The following ARHGAP8 variants were observed in gnomAD, a reference collection of about 807,000 sequenced individuals.
ARHGAP8 encodes rho GTPase-activating protein 8.
ARHGAP8 carries 62 observed loss-of-function variants against 46.1 expected under a neutral mutation model. That is an observed-to-expected ratio of 1.34 (90% CI 1.10 to 1.66). ARHGAP8 has a LOEUF of 1.66. Among genes scored for constraint, ARHGAP8 ranks in the 40% most tolerant of loss-of-function variants. The pLI is 0.00. For missense variants in ARHGAP8, 923 were observed against 568.4 expected (o/e 1.62, Z -6.34); for synonymous variants, 375 against 243.1 (o/e 1.54, Z -5.05).
At chr22:44,802,212 T>G in intron 3 of ARHGAP8, 48 bp downstream of exon 3, 2 of 1,606,622 alleles carry the variant, frequency 1.2e-6, no homozygotes, top group South Asian at 2.2e-5. Flanking sequence ...TCCATGTTGC[T>G]TGTCCCCATC....
At chr22:44,798,062 C>T (rs1306422606) in intron 2 of ARHGAP8, among the ~76,000 whole-genome samples, 1 of 151,474 alleles carries the variant, frequency 6.6e-6, no homozygotes, top group African/African-American at 2.4e-5. Flanking sequence ...CTGCAACCTC[C>T]ACCTCCCGAG....
In ARHGAP8 at chr22:44,822,356, C is replaced by T. The variant is rs1234450596; in HGVS notation, c.387-15C>T. The T allele has an allele frequency of 1.9e-6, 3 of 1,577,136 alleles. No homozygotes were observed. Among genetic ancestry groups the T allele is most frequent in the African/African-American group, 1.4e-5 (1 of 72,026 alleles). ...CGCCTAATCGTTCTTTATTCTCTTG[C>T]TTCTGCTTTCTTAGTCACAAGTTTG... On this transcript the variant is annotated splice_polypyrimidine_tract_variant and intron_variant, in intron 5 of 11. Transcript: ENST00000356099.
intron 1 of ARHGAP8, 81 bp from the exon 2 acceptor site, chr22:44,786,376 T>C (rs1021732353): frequency 2.7e-6 from 4 of 1,505,950 alleles, no homozygotes; most frequent in Non-Finnish European, 3.6e-6. Context: ...GGTGACTGTC[T>C]TATGAAAGGC....
chr22:44,850,621 CAG>C (rs2070069646), intron 10 of ARHGAP8: 2 of 152,112 alleles, frequency 1.3e-5, no homozygotes, highest in African/African-American at 4.8e-5. Flanking sequence ...AACCTGGTGA[CAG>C]GGAGATAGGC....
chr22:44,835,239 A>G (rs1931205529), intron 7 of ARHGAP8, among the ~76,000 whole-genome samples: 1 of 150,908 alleles, frequency 6.6e-6, no homozygotes, highest in Non-Finnish European at 1.5e-5. Context: ...TGCTATATAT[A>G]TATATATATA....
intron 1 of ARHGAP8, among the ~76,000 whole-genome samples, chr22:44,761,943 A>G (rs1925162597): frequency 6.6e-6 from 1 of 152,228 alleles, no homozygotes; most frequent in African/African-American, 2.4e-5. Context: ...CTTATTCACT[A>G]CCATGAGAAC....
chr22:44,849,196 A>G, intron 10 of ARHGAP8, 136 bp downstream of exon 10: 1 of 1,487,146 alleles, frequency 6.7e-7, no homozygotes, highest in African/African-American at 1.4e-5. Context: ...CTGGCACTGC[A>G]GGGCAAGAGA....
At chr22:44,793,081 C>T (rs1317636997) in intron 2 of ARHGAP8, among the ~76,000 whole-genome samples, 1 of 152,024 alleles carries the variant, frequency 6.6e-6, no homozygotes, top group East Asian at 1.9e-4. Flanking sequence ...CTTAGCCTCC[C>T]AAAGTCCTGA....
intron 7 of ARHGAP8, among the ~76,000 whole-genome samples, chr22:44,841,453 T>C (rs747324495): frequency 6.6e-6 from 1 of 152,140 alleles, no homozygotes; most frequent in Non-Finnish European, 1.5e-5. Flanking sequence ...GCCTGCTCCC[T>C]GCCTTCCAAG....
chr22:44,801,397 T>G (rs576470215), intron 2 of ARHGAP8, among the ~76,000 whole-genome samples: 2 of 132,628 alleles, frequency 1.5e-5, no homozygotes, highest in Admixed American at 1.5e-4. Context: ...GCTGTCCATG[T>G]GTGGGGGGCG....
At chr22:44,804,988 T>C (rs1222295947) in intron 3 of ARHGAP8, among the ~76,000 whole-genome samples, 1 of 152,050 alleles carries the variant, frequency 6.6e-6, no homozygotes, top group Non-Finnish European at 1.5e-5. Context: ...CCCCAGACAG[T>C]GAGGCTGGCT....
At chr22:44,861,756 G>T (rs1484428873) in intron 11 of ARHGAP8, among the ~76,000 whole-genome samples, 2 of 152,148 alleles carry the variant, frequency 1.3e-5, no homozygotes, top group African/African-American at 4.8e-5. Flanking sequence ...TTCCTCATCT[G>T]TAAGATGGGG....
At chr22:44,792,168 C>G (rs991809495) in intron 2 of ARHGAP8, among the ~76,000 whole-genome samples, 3 of 152,044 alleles carry the variant, frequency 2.0e-5, no homozygotes, top group South Asian at 2.1e-4. Context: ...CCCACCACCA[C>G]GCCTGGCTAA....
intron 1 of ARHGAP8, among the ~76,000 whole-genome samples, chr22:44,754,412 A>G (rs900794232): frequency 2.0e-5 from 3 of 150,732 alleles, no homozygotes; most frequent in African/African-American, 4.9e-5. Flanking sequence ...CTGGAGTGCA[A>G]TGGCACGATC....
intron 4 of ARHGAP8, among the ~76,000 whole-genome samples, chr22:44,810,806 G>A (rs189001489): frequency 2.0e-5 from 3 of 152,238 alleles, no homozygotes; most frequent in South Asian, 2.1e-4. Flanking sequence ...GTGGGGAGCC[G>A]TGGAGGGAGG....
chr22:44,779,166 C>G (rs2147031454), intron 1 of ARHGAP8, among the ~76,000 whole-genome samples: 1 of 147,086 alleles, frequency 6.8e-6, no homozygotes, highest in East Asian at 2.0e-4. Flanking sequence ...GTGGCGCGAT[C>G]TTGGCTCACT....
At chr22:44,860,044 ACCTGCCCCTG>A (rs2070393814) in intron 11 of ARHGAP8, among the ~76,000 whole-genome samples, 2 of 152,024 alleles carry the variant, frequency 1.3e-5, no homozygotes, top group Admixed American at 6.5e-5. Context: ...GACAGGGCGT[ACCTGCCCCTG>A]CCTGCTCCTG....
intron 4 of ARHGAP8, among the ~76,000 whole-genome samples, chr22:44,811,717 T>C (rs9626568): frequency 0.38 from 57,300 of 151,904 alleles, 11,187 homozygotes; most frequent in East Asian, 0.55. Flanking sequence ...GTGCTCCAAA[T>C]AGAATTAGAT....
At chr22:44,824,927 C>G (rs1049362134) in intron 6 of ARHGAP8, among the ~76,000 whole-genome samples, 2 of 151,816 alleles carry the variant, frequency 1.3e-5, no homozygotes, top group African/African-American at 2.4e-5. Flanking sequence ...GCCACCGTGC[C>G]GAGCACAGAG....
Sources: gnomAD v4.1 joint callset for allele counts (sites outside exome capture counted in the v4.1 genomes callset) on GRCh38, gnomAD v4.1.1 for gene constraint, MANE v1.5 for transcripts, NCBI Gene and HGNC (gene_info 2026-07-23, HGNC 2026-07-21) for gene names.